Variants in TP53BP1 observed in about 807,000 individuals in gnomAD.
TP53BP1 encodes the protein TP53-binding protein 1.
TP53BP1 carries 61 observed loss-of-function variants against 200.8 expected under a neutral mutation model. The observed-to-expected ratio is 0.30, with a 90% CI of 0.25 to 0.38. The LOEUF is 0.38. TP53BP1 is among the 10% of genes least tolerant of loss of function. The pLI is 1.00. For synonymous variants in TP53BP1, 822 were observed against 844.3 expected (o/e 0.97, Z 0.46); for missense variants, 2,144 against 2,371.9 (o/e 0.90, Z 2.00).
chr15:43,480,427 A>G (rs2078947123), intron 5 of TP53BP1, among the ~76,000 whole-genome samples: 1 of 152,186 alleles, frequency 6.6e-6, no homozygotes, highest in Non-Finnish European at 1.5e-5. Flanking sequence ...TAACCTGGGC[A>G]ACAGAGCAAG....
chr15:43,480,061 T>C (rs775636473), intron 5 of TP53BP1, 44 bp from the exon 6 acceptor site: 9 of 1,578,096 alleles, frequency 5.7e-6, no homozygotes, highest in African/African-American at 5.4e-5. Flanking sequence ...CCCACAACAT[T>C]ATGCAATGTA....
intron 18 of TP53BP1, among the ~76,000 whole-genome samples, chr15:43,426,439 CAAAAAAAAAAAA>C (rs538087512): frequency 1.8e-5 from 1 of 56,790 alleles, no homozygotes; most frequent in Non-Finnish European, 3.7e-5. Flanking sequence ...GACTCTGTGT[CAAAAAAAAAAAA>C]AAAAAAAAAG....
At chr15:43,423,381 G>A (rs2045450487) in intron 18 of TP53BP1, among the ~76,000 whole-genome samples, 1 of 151,866 alleles carries the variant, frequency 6.6e-6, no homozygotes, top group Non-Finnish European at 1.5e-5. Flanking sequence ...TGGGAGGCCA[G>A]GCATGGTGGC....
chr15:43,493,362 C>A (rs2079156649), upstream of TP53BP1, among the ~76,000 whole-genome samples: 1 of 152,128 alleles, frequency 6.6e-6, no homozygotes, highest in Non-Finnish European at 1.5e-5. Context: ...TATCCTTGAA[C>A]CGAAGGGACC....
chr15:43,446,845 C>T, intron 13 of TP53BP1: 2 of 1,409,056 alleles, frequency 1.4e-6, no homozygotes, highest in Non-Finnish European at 1.9e-6. Flanking sequence ...TCAGCCAACC[C>T]ACATCTGCCA....
At position 43,406,885 on chromosome 15, in the gene TP53BP1, G is replaced by A; in HGVS notation, c.*498C>T. 7.3e-6 allele frequency: 2 copies of A among 275,776 alleles called. No homozygotes were observed. Among genetic ancestry groups the A allele is most frequent in the South Asian group, 7.8e-5 (2 of 25,802 alleles). The allele number at this position is 275,776 out of a possible 1,614,324, so 17.1% of individuals were successfully genotyped here. A position where few individuals can be genotyped will look rare whatever the true frequency, so the allele number is the denominator to read the frequency against. ...AGAGTTGGGGAGTACCCACAGGTGA[G>A]CTGTGATCTCAGCTCAGAGAGAGAG... On this transcript the variant is annotated 3_prime_UTR_variant, in exon 28 of 28. Transcript: ENST00000382044.
intron 9 of TP53BP1, 112 bp downstream of exon 9, chr15:43,475,453 T>C (rs2078866248): frequency 1.6e-6 from 2 of 1,268,162 alleles, no homozygotes; most frequent in African/African-American, 1.5e-5. Flanking sequence ...GGTTCTACCA[T>C]TTGGTTTCAA....
chr15:43,446,324 T>C, intron 14 of TP53BP1, 63 bp downstream of exon 14: 1 of 1,239,996 alleles, frequency 8.1e-7, no homozygotes, highest in South Asian at 1.3e-5. Flanking sequence ...ATAACTAGAT[T>C]ATAATCAATA....
At chr15:43,413,600 A>C (rs2045186621) in intron 23 of TP53BP1, among the ~76,000 whole-genome samples, 2 of 152,208 alleles carry the variant, frequency 1.3e-5, no homozygotes, top group South Asian at 4.1e-4. Context: ...TCATAAATGA[A>C]AATTAACCAA....
At chr15:43,459,698 T>C (rs987399778) in intron 11 of TP53BP1, among the ~76,000 whole-genome samples, 19 of 151,684 alleles carry the variant, frequency 1.3e-4, no homozygotes, top group African/African-American at 4.6e-4. Flanking sequence ...AAGGCTTCAC[T>C]CTGTTGCCTA....
chr15:43,503,615 C>T (rs1288488067), intron 1 of TP53BP1, among the ~76,000 whole-genome samples: 4 of 151,932 alleles, frequency 2.6e-5, no homozygotes, highest in East Asian at 1.9e-4. Flanking sequence ...GCAGAGATGA[C>T]GCCACTACAC....
At chr15:43,497,524 T>C (rs972790268), upstream of TP53BP1, 1 of 868,558 alleles carries the variant, frequency 1.2e-6, no homozygotes, top group African/African-American at 1.8e-5. Flanking sequence ...ATTCCTAACT[T>C]CCTGGAAGCC....
intron 11 of TP53BP1, among the ~76,000 whole-genome samples, chr15:43,457,495 C>A (rs2046328438): frequency 6.6e-6 from 1 of 151,702 alleles, no homozygotes; most frequent in African/African-American, 2.4e-5. Context: ...CACGGTGAAA[C>A]CCTGTCTCTA....
chr15:43,487,092 G>C (rs186407890), intron 4 of TP53BP1, among the ~76,000 whole-genome samples: 2 of 152,020 alleles, frequency 1.3e-5, no homozygotes, highest in African/African-American at 4.8e-5. Flanking sequence ...CTAGTATCTA[G>C]AATATATAAA....
At chr15:43,408,705 C>G (rs1286526182) in intron 26 of TP53BP1, 192 bp downstream of exon 26, 9 of 593,684 alleles carry the variant, frequency 1.5e-5, no homozygotes, top group Non-Finnish European at 2.7e-5. Flanking sequence ...CACACATTTG[C>G]AAAAGGTTCC....
chr15:43,421,012 A>G lies in TP53BP1; in HGVS notation c.4250+13T>C. On this transcript the variant is annotated intron_variant, in intron 20 of 27. Coordinates refer to ENST00000382044, the MANE Select transcript of TP53BP1 (RefSeq NM_001141980.3). ...GAACAACAGACTAAGTATATCTTAC[A>G]CTACCCAGGTACCTGGTTCCAGTGG... is the stretch of plus-strand genomic sequence containing the variant. 1.2e-6 allele frequency: 2 copies of G among 1,609,020 alleles called. No homozygotes were observed. The highest frequency in any genetic ancestry group is 1.7e-5 in the Admixed American group (1 of 58,998).
chr15:43,432,812 G>A, intron 16 of TP53BP1, 135 bp from the exon 17 acceptor site: 2 of 963,648 alleles, frequency 2.1e-6, no homozygotes, highest in East Asian at 2.6e-5. Flanking sequence ...TGTAAGGAAG[G>A]GAGAAAGTCA....
At position 43,447,420 on chromosome 15, in the gene TP53BP1, G is replaced by C; in HGVS notation, c.2782C>G (p.Pro928Ala). Residue 928 changes from proline (P) to alanine (A), a missense_variant, in exon 13 of 28, where the codon CCA becomes GCA. By Grantham distance (27) the Pro-to-Ala change is conservative. Coordinates refer to ENST00000382044, the MANE Select transcript of TP53BP1 (RefSeq NM_001141980.3). The part of the protein sequence containing the change: ...DIIPPLTGAT[P>A]PLIGHLKLEP... ...AATTTTAGGTGCCCAATAAGAGGTG[G>C]GGTTGCACCAGTCAATGGTGGGATG... 6.2e-7 allele frequency: 1 copy of C among 1,603,540 alleles called. No homozygotes were observed.
At chr15:43,474,234 C>T (rs1185331411) in intron 10 of TP53BP1, among the ~76,000 whole-genome samples, 2 of 152,186 alleles carry the variant, frequency 1.3e-5, no homozygotes, top group Non-Finnish European at 2.9e-5. Context: ...GCGCCGCGCA[C>T]AGCCCCGGTT....
Sources: gnomAD v4.1 joint callset for allele counts (sites outside exome capture counted in the v4.1 genomes callset) on GRCh38, gnomAD v4.1.1 for gene constraint, MANE v1.5 for transcripts, NCBI Gene and HGNC (gene_info 2026-07-23, HGNC 2026-07-21) for gene names.